Variants in STK3 observed in about 807,000 individuals in gnomAD.
The protein encoded by STK3 is serine/threonine-protein kinase 3.
In STK3, 41 loss-of-function variants were observed where a neutral mutation model predicts 58.0. That is an observed-to-expected ratio of 0.71 (90% CI 0.55 to 0.92). STK3 has a LOEUF of 0.92. Ranked by LOEUF, STK3 falls within the 40% of genes least tolerant of loss-of-function variation. The probability of loss-of-function intolerance (pLI) is 0.00; values close to 1 mark genes in which losing one functional copy is unlikely to be tolerated. For synonymous variants in STK3, 170 were observed against 191.0 expected, an observed-to-expected ratio of 0.89 and a Z score of 0.91; for missense variants, 479 against 602.7, an observed-to-expected ratio of 0.79 and a Z score of 2.15.
At chr8:98,564,880 G>A (rs1291643825) in intron 8 of STK3, among the ~76,000 whole-genome samples, 1 of 151,914 alleles carries the variant, frequency 6.6e-6, no homozygotes, top group African/African-American at 2.4e-5. Flanking sequence ...AAAAGAATAG[G>A]CACTTTAGTT....
the STK3 span, among the ~76,000 whole-genome samples, chr8:98,360,599 T>C: frequency 6.6e-6 from 1 of 151,954 alleles, no homozygotes; most frequent in Admixed American, 6.6e-5. Flanking sequence ...GGCCTGTAAA[T>C]GATGCATTCA....
intron 1 of STK3, among the ~76,000 whole-genome samples, chr8:98,939,071 C>T (rs1840298248): frequency 6.6e-6 from 1 of 152,074 alleles, no homozygotes. Context: ...CCCTAGGTAT[C>T]CTAAGCTCGT....
At chr8:98,420,464 T>G (rs1377521385) in intron 3 of STK3, among the ~76,000 whole-genome samples, 1 of 152,196 alleles carries the variant, frequency 6.6e-6, no homozygotes, top group Non-Finnish European at 1.5e-5. Flanking sequence ...CATAGGTATG[T>G]GTGTATAGAA....
intron 4 of STK3, among the ~76,000 whole-genome samples, chr8:98,746,737 T>C (rs1298024808): frequency 6.6e-6 from 1 of 152,172 alleles, no homozygotes; most frequent in African/African-American, 2.4e-5. Context: ...GCAAATATAC[T>C]GTTCAGAAGT....
intron 1 of STK3, among the ~76,000 whole-genome samples, chr8:98,442,641 G>T (rs186495350): frequency 6.6e-6 from 1 of 152,176 alleles, no homozygotes; most frequent in Non-Finnish European, 1.5e-5. Flanking sequence ...GCAGCATTAC[G>T]AATAATATCA....
intron 4 of STK3, 41 bp from the exon 5 acceptor site, chr8:98,707,352 G>A (rs201592614): frequency 1.9e-5 from 27 of 1,399,858 alleles, no homozygotes; most frequent in Admixed American, 1.7e-4. Context: ...AAAATGCCAC[G>A]TTAGATAAAA....
In STK3 at chr8:98,509,028, T is replaced by C. The variant is rs1824300753; in HGVS notation, c.1317+17714A>G. 3.9e-5 allele frequency among the ~76,000 whole-genome samples: 6 copies of C among 152,078 alleles called. No individual in the cohort carries two copies. In the South Asian group the frequency reaches 6.2e-4, roughly 16 times the overall value. The stretch of plus-strand genomic sequence containing the variant: ...CAAAACTCGACCCACATTTGCCCAA[T>C]CAGGTACTAACTAGTCTTTCCCCAA... On this transcript the variant is annotated intron_variant, in intron 10 of 10. Coordinates refer to ENST00000419617, the MANE Select transcript of STK3 (RefSeq NM_006281.4).
intron 1 of STK3, among the ~76,000 whole-genome samples, chr8:98,912,990 C>T (rs540036614): frequency 1.1e-3 from 164 of 152,302 alleles, no homozygotes; most frequent in African/African-American, 3.8e-3. Context: ...CTCATGCAGC[C>T]TCCACCTCCT....
intron 7 of STK3, among the ~76,000 whole-genome samples, chr8:98,588,829 T>G (rs1814940273): frequency 6.6e-6 from 1 of 151,990 alleles, no homozygotes; most frequent in Non-Finnish European, 1.5e-5. Flanking sequence ...ACTTCCCTTC[T>G]CGCTTCATTT....
At chr8:98,465,702 T>C (rs567981757) in intron 10 of STK3, among the ~76,000 whole-genome samples, 12 of 152,336 alleles carry the variant, frequency 7.9e-5, no homozygotes, top group Admixed American at 6.5e-4. Flanking sequence ...CCTATGTCTG[T>C]TCAGACTGTT....
chr8:98,590,630 A>G (rs941819287), intron 7 of STK3, among the ~76,000 whole-genome samples: 2 of 152,216 alleles, frequency 1.3e-5, no homozygotes, highest in African/African-American at 4.8e-5. Context: ...AATTTCATGC[A>G]CGTCCGTGTG....
At chr8:98,504,936 C>T (rs2131377962) in intron 10 of STK3, among the ~76,000 whole-genome samples, 1 of 152,260 alleles carries the variant, frequency 6.6e-6, no homozygotes, top group East Asian at 1.9e-4. Flanking sequence ...AATGTTGGTC[C>T]ACCTTGCTAG....
rs1055439345 is a variant in STK3, at chr8:98,546,182, G to A, written c.1141+1787C>T. On this transcript the variant is annotated intron_variant, in intron 9 of 10. Coordinates refer to ENST00000419617, the MANE Select transcript of STK3 (RefSeq NM_006281.4). ...TTCACTAAAATCTCTGTGACAAAAA[G>A]TCATACCTATACAATCAGTTATAAC... Among the ~76,000 whole-genome samples, 7 of 152,212 alleles carry A rather than the reference G, an allele frequency of 4.6e-5. No homozygotes were observed. The East Asian group carries it at 9.7e-4, about 21-fold the overall frequency.
chr8:98,669,323 A>G (rs1822628076), intron 6 of STK3, among the ~76,000 whole-genome samples: 2 of 151,912 alleles, frequency 1.3e-5, no homozygotes, highest in South Asian at 4.1e-4. Flanking sequence ...AATCATATCA[A>G]CAGTTCTAAA....
intron 7 of STK3, among the ~76,000 whole-genome samples, chr8:98,589,561 G>A (rs1300834468): frequency 2.0e-5 from 3 of 152,346 alleles, no homozygotes; most frequent in East Asian, 1.9e-4. Flanking sequence ...GTTTGTCTGT[G>A]CCCTGCCCCC....
intron 1 of STK3, among the ~76,000 whole-genome samples, chr8:98,775,488 C>A (rs993039003): frequency 1.3e-5 from 2 of 152,206 alleles, no homozygotes; most frequent in Non-Finnish European, 2.9e-5. Flanking sequence ...ATGCCCCACA[C>A]GGAGCCAAGA....
At chr8:98,704,945 C>T (rs1198130256) in intron 6 of STK3, among the ~76,000 whole-genome samples, 2 of 152,206 alleles carry the variant, frequency 1.3e-5, no homozygotes, top group Non-Finnish European at 2.9e-5. Context: ...ACCCTACAAA[C>T]ATCCTAACTA....
intron 10 of STK3, among the ~76,000 whole-genome samples, chr8:98,524,483 G>A (rs1825604092): frequency 6.6e-6 from 1 of 152,154 alleles, no homozygotes; most frequent in South Asian, 2.1e-4. Context: ...TATAATCTAT[G>A]AATATGTCTT....
At position 98,686,699 on chromosome 8, in the gene STK3, A is replaced by G. The variant is rs544144989; in HGVS notation, c.684+19768T>C. On this transcript the variant is annotated intron_variant, in intron 6 of 10. Coordinates refer to ENST00000419617, the MANE Select transcript of STK3 (RefSeq NM_006281.4). ...CACAAAGGAAACAGAAAAATAATCT[A>G]AGATTTGAAAGACGGCACAGTTATT... Among the ~76,000 whole-genome samples, 8 of 152,270 alleles carry G rather than the reference A, an allele frequency of 5.3e-5. No homozygotes were observed. The East Asian group carries it at 1.5e-3, about 29-fold the overall frequency.
Sources: allele counts gnomAD v4.1 joint callset (sites outside exome capture counted in the v4.1 genomes callset), GRCh38; gene constraint gnomAD v4.1.1; transcripts MANE v1.5; gene names NCBI Gene and HGNC (gene_info 2026-07-23, HGNC 2026-07-21).